The following CTNND2 variants were observed in gnomAD, a reference collection of about 807,000 sequenced individuals.
CTNND2 encodes the protein catenin delta-2.
In CTNND2, 22 loss-of-function variants were observed where a neutral mutation model predicts 144.4. The ratio of observed to expected loss-of-function variants is 0.15; its 90% CI spans 0.11 to 0.22. The LOEUF is 0.22. Ranked by LOEUF, CTNND2 falls within the 10% of genes least tolerant of loss-of-function variation. The pLI, the probability that CTNND2 is intolerant of heterozygous loss-of-function variation, is 1.00. For synonymous variants in CTNND2, 751 were observed against 695.6 expected (o/e 1.08, Z -1.25); for missense variants, 1,353 against 1,618.8 (o/e 0.84, Z 2.82).
At chr5:11,080,415 G>T (rs976436050) in intron 16 of CTNND2, among the ~76,000 whole-genome samples, 4 of 152,116 alleles carry the variant, frequency 2.6e-5, no homozygotes, top group Non-Finnish European at 5.9e-5. Context: ...ACTGTATATA[G>T]GTTCTACAAA....
intron 8 of CTNND2, among the ~76,000 whole-genome samples, chr5:11,355,126 C>A (rs191073334): frequency 6.6e-6 from 1 of 151,946 alleles, no homozygotes; most frequent in Admixed American, 6.5e-5. Context: ...GCAATAAACA[C>A]CTATATCCAA....
intron 16 of CTNND2, among the ~76,000 whole-genome samples, chr5:11,046,459 C>A (rs1745269912): frequency 6.6e-6 from 1 of 152,220 alleles, no homozygotes; most frequent in African/African-American, 2.4e-5. Context: ...CTGCCTCCAG[C>A]ACATTTAACC....
At chr5:11,817,493 G>A (rs1184223403) in intron 1 of CTNND2, among the ~76,000 whole-genome samples, 3 of 142,942 alleles carry the variant, frequency 2.1e-5, no homozygotes, top group Non-Finnish European at 3.0e-5. Flanking sequence ...CAGAGCCAGC[G>A]GGGTCAGCAT....
chr5:11,654,552 A>C (rs183633486), intron 2 of CTNND2, among the ~76,000 whole-genome samples: 6 of 152,162 alleles, frequency 3.9e-5, no homozygotes, highest in African/African-American at 1.4e-4. Flanking sequence ...ATATTAGTGT[A>C]TAGAAACATG....
At chr5:11,496,671 C>A (rs61757517) in intron 3 of CTNND2, among the ~76,000 whole-genome samples, 1 of 152,116 alleles carries the variant, frequency 6.6e-6, no homozygotes, top group Non-Finnish European at 1.5e-5. Context: ...GAATTTGCCA[C>A]AAATTTGGCA....
intron 15 of CTNND2, among the ~76,000 whole-genome samples, chr5:11,098,168 C>G (rs948485628): frequency 6.6e-6 from 1 of 152,082 alleles, no homozygotes; most frequent in African/African-American, 2.4e-5. Context: ...GGCTGGGACC[C>G]GGTACATTTT....
At chr5:11,080,501 TG>T in intron 16 of CTNND2, among the ~76,000 whole-genome samples, 1 of 152,356 alleles carries the variant, frequency 6.6e-6, no homozygotes, top group Middle Eastern at 3.4e-3. Context: ...GGTATCAGTA[TG>T]TCACAGAACC....
rs1182530607 is a variant in CTNND2, at chr5:11,384,931, G to C, written c.911C>G (p.Pro304Arg). ...APRGSSPKQS[P>R]SRLAKSYSTS... ...GCTGTAGGACTTGGCCAGGCGGCTG[G>C]GCGACTGCTTGGGCGAGGAGCCGCG... The change falls in exon 7 of 22, where the codon CCC becomes CGC. Residue 304 changes from proline (P) to arginine (R), a missense_variant. Coordinates refer to ENST00000304623, the MANE Select transcript of CTNND2 (RefSeq NM_001332.4). This position sits in a 1 kb window ranked among gnomAD's most constrained non-coding sequence, Gnocchi z 5.2. 4 of 1,599,316 alleles carry C rather than the reference G, an allele frequency of 2.5e-6. No homozygotes were observed. Among genetic ancestry groups the C allele is most frequent in the African/African-American group, 1.3e-5 (1 of 74,648 alleles).
At chr5:11,681,151 T>G (rs1156601681) in intron 2 of CTNND2, among the ~76,000 whole-genome samples, 2 of 152,064 alleles carry the variant, frequency 1.3e-5, no homozygotes, top group Non-Finnish European at 2.9e-5. Flanking sequence ...AAGAATAAAC[T>G]GGCTAAGAAA....
intron 2 of CTNND2, among the ~76,000 whole-genome samples, chr5:11,680,555 C>T (rs1364688154): frequency 6.6e-6 from 1 of 152,128 alleles, no homozygotes. Flanking sequence ...TAAAACAGCA[C>T]AAGGACCTAG....
intron 2 of CTNND2, among the ~76,000 whole-genome samples, chr5:11,616,769 G>C (rs1249303811): frequency 6.6e-6 from 1 of 152,052 alleles, no homozygotes. Context: ...ACCACGCCCG[G>C]CTAAGTTTTG....
chr5:11,046,345 C>T (rs1273875947), intron 16 of CTNND2, among the ~76,000 whole-genome samples: 1 of 152,176 alleles, frequency 6.6e-6, no homozygotes, highest in Non-Finnish European at 1.5e-5. Context: ...GGAACGCCAT[C>T]TATTGACAGC....
At chr5:11,301,175 C>G (rs1305645233) in intron 9 of CTNND2, among the ~76,000 whole-genome samples, 3 of 124,776 alleles carry the variant, frequency 2.4e-5, no homozygotes, top group Non-Finnish European at 5.3e-5. Context: ...TGCCACCATG[C>G]CCAGCTAATT....
At chr5:11,367,020 C>T (rs549172419) in intron 7 of CTNND2, among the ~76,000 whole-genome samples, 11 of 152,086 alleles carry the variant, frequency 7.2e-5, no homozygotes, top group African/African-American at 1.7e-4. Flanking sequence ...GATATTATTA[C>T]GAATATAATA....
intron 9 of CTNND2, among the ~76,000 whole-genome samples, chr5:11,301,398 G>T (rs1395699933): frequency 6.6e-6 from 1 of 151,986 alleles, no homozygotes; most frequent in Non-Finnish European, 1.5e-5. Context: ...AATGAACTAG[G>T]GAAAAAACAA....
chr5:11,613,848 C>T (rs545672604), intron 2 of CTNND2, among the ~76,000 whole-genome samples: 117 of 152,306 alleles, frequency 7.7e-4, no homozygotes, highest in South Asian at 6.2e-3. Context: ...GGACTGACAA[C>T]TTTTGCTCCC....
intron 15 of CTNND2, among the ~76,000 whole-genome samples, chr5:11,087,711 A>C (rs546549953): frequency 2.6e-4 from 40 of 152,070 alleles, no homozygotes; most frequent in Admixed American, 1.6e-3. Context: ...AATAAGCACA[A>C]ATTTTGGTTA....
intron 1 of CTNND2, among the ~76,000 whole-genome samples, chr5:11,801,915 A>G (rs1455419949): frequency 6.6e-6 from 1 of 152,182 alleles, no homozygotes; most frequent in Admixed American, 6.5e-5. Flanking sequence ...AAAAAATGAA[A>G]CTACCACCCA....
chr5:11,199,963 C>T (rs1368771102), intron 10 of CTNND2, among the ~76,000 whole-genome samples: 1 of 152,196 alleles, frequency 6.6e-6, no homozygotes, highest in East Asian at 1.9e-4. Context: ...GCCACAACCT[C>T]ATGGATGAAG....
Sources: gnomAD v4.1 joint callset for allele counts (sites outside exome capture counted in the v4.1 genomes callset) on GRCh38, gnomAD v4.1.1 for gene constraint, Gnocchi (gnomAD v3.1) non-coding constraint, MANE v1.5 for transcripts, NCBI Gene and HGNC (gene_info 2026-07-23, HGNC 2026-07-21) for gene names.